ACSF3: variants seen among roughly 807,000 people sequenced by gnomAD.
The protein encoded by ACSF3 is malonate--CoA ligase ACSF3, mitochondrial.
In ACSF3, 78 loss-of-function variants were observed where a neutral mutation model predicts 53.2. The observed-to-expected ratio is 1.47, with a 90% CI of 1.22 to 1.77. ACSF3 has a LOEUF of 1.77. Among genes scored for constraint, ACSF3 ranks in the 40% most tolerant of loss-of-function variants. The pLI is 0.00. For missense variants in ACSF3, 937 were observed against 771.1 expected (o/e 1.22, Z -2.55); for synonymous variants, 414 against 333.1 (o/e 1.24, Z -2.65).
chr16:89,105,233 C>T (rs1975828880), intron 4 of ACSF3, among the ~76,000 whole-genome samples: 1 of 152,248 alleles, frequency 6.6e-6, no homozygotes, highest in South Asian at 2.1e-4. Context: ...AGATGGCAGA[C>T]ACTGCGGCTG....
At chr16:89,110,606 C>G (rs977524506) in intron 4 of ACSF3, among the ~76,000 whole-genome samples, 4 of 152,220 alleles carry the variant, frequency 2.6e-5, no homozygotes, top group Non-Finnish European at 4.4e-5. Flanking sequence ...CACCTTTAAT[C>G]TGCCTTTTGA....
chr16:89,114,273 C>A (rs1179259483), intron 5 of ACSF3, 66 bp from the exon 6 acceptor site: 2 of 1,606,722 alleles, frequency 1.2e-6, no homozygotes, highest in Non-Finnish European at 1.7e-6. Context: ...GGGGCTAAAC[C>A]TGCCACCTTT....
intron 2 of ACSF3, among the ~76,000 whole-genome samples, chr16:89,098,980 C>T (rs868221094): frequency 3.9e-5 from 6 of 152,280 alleles, no homozygotes; most frequent in Admixed American, 6.5e-5. Context: ...AGGCCTGGGA[C>T]GCTGTCAGAC....
chr16:89,146,063 G>T lies in ACSF3; in HGVS notation c.1613+14G>T. On this transcript the variant is annotated intron_variant, in intron 10 of 10. Coordinates refer to ENST00000614302, the MANE Select transcript of ACSF3 (RefSeq NM_001243279.3). The stretch of plus-strand genomic sequence containing the variant: ...AGAGTGGGCCAGGTAGGGCTGGGTG[G>T]GGCGGGCAGGGAGCACTCATGGGGT... 2.6e-6 allele frequency: 4 copies of T among 1,514,268 alleles called. No homozygotes were observed. The highest frequency in any genetic ancestry group is 2.3e-5 in the South Asian group (2 of 88,856). 93.8% of individuals were successfully genotyped at this position (1,514,268 alleles called of 1,614,324 possible). A position where few individuals can be genotyped will look rare whatever the true frequency, so the allele number is the denominator to read the frequency against.
At chr16:89,116,809 A>G (rs8057399) in intron 6 of ACSF3, among the ~76,000 whole-genome samples, 113,772 of 151,644 alleles carry the variant, frequency 0.75, 43,171 homozygotes, top group Non-Finnish European at 0.8. Flanking sequence ...GACCCCAGGA[A>G]ACCTCCACCT....
intron 8 of ACSF3, chr16:89,141,287 C>G (rs760342666): frequency 1.9e-5 from 25 of 1,287,202 alleles, no homozygotes; most frequent in Non-Finnish European, 2.5e-5. Flanking sequence ...GTGAGGCGGG[C>G]GCTGAGTAGT....
chr16:89,110,892 G>A (rs982946331), intron 4 of ACSF3, among the ~76,000 whole-genome samples: 1 of 152,166 alleles, frequency 6.6e-6, no homozygotes, highest in African/African-American at 2.4e-5. Flanking sequence ...GGTCGCCTGT[G>A]TCTTTGCTTT....
intron 7 of ACSF3, among the ~76,000 whole-genome samples, chr16:89,127,478 C>G (rs1230143109): frequency 6.6e-6 from 1 of 152,182 alleles, no homozygotes; most frequent in African/African-American, 2.4e-5. Context: ...GATCCTGCGT[C>G]AGCCTCCCAA....
intron 7 of ACSF3, among the ~76,000 whole-genome samples, chr16:89,131,038 C>A (rs1047657923): frequency 4.7e-5 from 7 of 150,354 alleles, no homozygotes; most frequent in African/African-American, 1.5e-4. Flanking sequence ...TTTGGTTCTG[C>A]TTTATATCTG....
At chr16:89,145,149 C>T (rs1477404604) in intron 8 of ACSF3, 118 bp from the exon 9 acceptor site, 3 of 1,610,380 alleles carry the variant, frequency 1.9e-6, no homozygotes, top group Non-Finnish European at 2.5e-6. Flanking sequence ...AACCAGAGCC[C>T]CCTTTCCTCA....
Position 89,132,733 on chromosome 16 carries a change from G to A in ACSF3, c.1240-403G>A, listed in dbSNP as rs1045118879. ...TGCTGTGTTCCCTGGTTTGAGAAAC[G>A]CCCCCGAAGATGGGATTTGGGCACA... is the stretch of plus-strand genomic sequence containing the variant. On this transcript the variant is annotated intron_variant, in intron 7 of 10. Transcript: ENST00000614302. 5.3e-5 allele frequency among the ~76,000 whole-genome samples: 8 copies of A among 152,268 alleles called. No individual in the cohort carries two copies. In the South Asian group the frequency reaches 1.4e-3, roughly 28 times the overall value.
At chr16:89,118,196 C>G (rs1409256727) in intron 6 of ACSF3, among the ~76,000 whole-genome samples, 1 of 150,670 alleles carries the variant, frequency 6.6e-6, no homozygotes, top group Non-Finnish European at 1.5e-5. Flanking sequence ...CAGGGATGTT[C>G]CCTCTTCTCT....
chr16:89,154,328 C>A lies in ACSF3; in HGVS notation c.*121C>A, dbSNP rs779039096. 2 of 921,656 alleles carry A rather than the reference C, an allele frequency of 2.2e-6. No homozygotes were observed. The highest frequency in any genetic ancestry group is 3.3e-5 in the African/African-American group (2 of 61,286). 57.1% of individuals were successfully genotyped at this position (921,656 alleles called of 1,614,324 possible). ...AACCTGAACCCCCCAAATCAGGTCA[C>A]GTAGAATCAAGAACTGTTTGGGATG... On this transcript the variant is annotated 3_prime_UTR_variant, in exon 11 of 11. Transcript: ENST00000614302.
At chr16:89,152,739 A>T (rs531989930) in intron 10 of ACSF3, 2 of 152,168 alleles carry the variant, frequency 1.3e-5, no homozygotes, top group African/African-American at 2.4e-5. Flanking sequence ...AATAAATTTG[A>T]TAGGAACATT....
chr16:89,129,673 C>G (rs75650772), intron 7 of ACSF3, among the ~76,000 whole-genome samples: 170 of 151,998 alleles, frequency 1.1e-3, no homozygotes, highest in Non-Finnish European at 2.0e-3. Flanking sequence ...ACTATTGTTC[C>G]CTGAGAGTTT....
At chr16:89,125,155 C>G (rs1466516329) in intron 7 of ACSF3, among the ~76,000 whole-genome samples, 1 of 151,984 alleles carries the variant, frequency 6.6e-6, no homozygotes. Context: ...ACCAGCCTGA[C>G]CAAGATGATG....
chr16:89,112,291 TC>T (rs746830503), intron 5 of ACSF3, 45 bp downstream of exon 5: 1 of 1,606,530 alleles, frequency 6.2e-7, no homozygotes, highest in Non-Finnish European at 8.5e-7. Flanking sequence ...GTCTTAAAGA[TC>T]AACAGATACG....
At chr16:89,120,947 G>T (rs752658068) in intron 7 of ACSF3, 34 bp downstream of exon 7, 1 of 1,590,078 alleles carries the variant, frequency 6.3e-7, no homozygotes, top group East Asian at 2.2e-5. Context: ...GTGGGCGGCC[G>T]TGTGTCCAGT....
chr16:89,125,278 G>C (rs1185237978), intron 7 of ACSF3, among the ~76,000 whole-genome samples: 2 of 150,828 alleles, frequency 1.3e-5, no homozygotes, highest in African/African-American at 4.9e-5. Flanking sequence ...AGAAGGCGGA[G>C]TTTGCACTGA....
Sources: gnomAD v4.1 joint callset for allele counts (sites outside exome capture counted in the v4.1 genomes callset) on GRCh38, gnomAD v4.1.1 for gene constraint, MANE v1.5 for transcripts, NCBI Gene and HGNC (gene_info 2026-07-23, HGNC 2026-07-21) for gene names.